The following DSCAM variants were observed in gnomAD, a reference collection of about 807,000 sequenced individuals.
DSCAM encodes the protein DS cell adhesion molecule.
In DSCAM, 47 loss-of-function variants were observed where a neutral mutation model predicts 217.7. The ratio of observed to expected loss-of-function variants is 0.22; its 90% confidence interval spans 0.17 to 0.28. The LOEUF is 0.28. Ranked by LOEUF, DSCAM falls within the 10% of genes least tolerant of loss-of-function variation. DSCAM has a pLI of 1.00. For synonymous variants in DSCAM, 1,056 were observed against 1,015.3 expected (o/e 1.04, Z -0.76); for missense variants, 2,080 against 2,618.3 (o/e 0.79, Z 4.49).
chr21:40,456,364 AG>A (rs2075763546), intron 3 of DSCAM, among the ~76,000 whole-genome samples: 3 of 152,070 alleles, frequency 2.0e-5, no homozygotes, highest in African/African-American at 7.2e-5. Context: ...TCACAGTAAC[AG>A]TCTACTTATG....
At chr21:40,827,158 G>A (rs1034882358) in intron 1 of DSCAM, among the ~76,000 whole-genome samples, 17 of 152,096 alleles carry the variant, frequency 1.1e-4, no homozygotes, top group African/African-American at 3.1e-4. Context: ...AGGTGTGCAC[G>A]GTCCAGGTGA....
intron 3 of DSCAM, chr21:40,619,012 C>T (rs554468245): frequency 6.6e-6 from 1 of 152,202 alleles, no homozygotes; most frequent in East Asian, 1.9e-4. Flanking sequence ...TAGGCTGAAG[C>T]AAGCAGTATG....
At chr21:40,549,743 C>T (rs941295177) in intron 3 of DSCAM, among the ~76,000 whole-genome samples, 4 of 152,222 alleles carry the variant, frequency 2.6e-5, no homozygotes, top group East Asian at 3.9e-4. Flanking sequence ...GTTATATTGA[C>T]GTTTGGAAAC....
intron 11 of DSCAM, among the ~76,000 whole-genome samples, chr21:40,269,155 C>A (rs1479928122): frequency 1.3e-5 from 2 of 152,170 alleles, no homozygotes; most frequent in Admixed American, 1.3e-4. Context: ...GCTGCAAATG[C>A]AAAAACCCTG....
chr21:40,659,091 C>T (rs2090108079), intron 3 of DSCAM, among the ~76,000 whole-genome samples: 1 of 152,060 alleles, frequency 6.6e-6, no homozygotes, highest in Non-Finnish European at 1.5e-5. Context: ...AGACGGACAA[C>T]CATCAGTAAC....
intron 11 of DSCAM, among the ~76,000 whole-genome samples, chr21:40,248,706 G>A (rs1348382263): frequency 6.6e-6 from 1 of 152,146 alleles, no homozygotes; most frequent in African/African-American, 2.4e-5. Context: ...CGGTTACCCA[G>A]TTCCAAAGTT....
At chr21:40,283,518 C>T (rs752036937) in intron 10 of DSCAM, among the ~76,000 whole-genome samples, 2 of 152,138 alleles carry the variant, frequency 1.3e-5, no homozygotes, top group African/African-American at 2.4e-5. Flanking sequence ...GGAAAAAGAA[C>T]GGCAGATTGT....
At chr21:40,415,839 TC>T (rs1290206524) in intron 3 of DSCAM, among the ~76,000 whole-genome samples, 2 of 151,812 alleles carry the variant, frequency 1.3e-5, no homozygotes, top group African/African-American at 4.8e-5. Context: ...ATACACACCT[TC>T]CCCCAACTCT....
At chr21:40,273,117 T>C (rs2073641368) in intron 11 of DSCAM, among the ~76,000 whole-genome samples, 1 of 152,188 alleles carries the variant, frequency 6.6e-6, no homozygotes, top group Non-Finnish European at 1.5e-5. Flanking sequence ...CTATGCACTG[T>C]GCCATCAATA....
intron 3 of DSCAM, among the ~76,000 whole-genome samples, chr21:40,395,058 T>C (rs568964613): frequency 6.6e-6 from 1 of 152,184 alleles, no homozygotes; most frequent in Non-Finnish European, 1.5e-5. Flanking sequence ...CTGTGTTCAG[T>C]CAGTGTAATT....
chr21:40,083,637 G>C (rs555353759), intron 24 of DSCAM, among the ~76,000 whole-genome samples: 1 of 152,294 alleles, frequency 6.6e-6, no homozygotes, highest in South Asian at 2.1e-4. Flanking sequence ...TCTCAAAAAA[G>C]AGATATCCAA....
chr21:40,053,643 T>G (rs1416055850), intron 29 of DSCAM, among the ~76,000 whole-genome samples: 1 of 152,168 alleles, frequency 6.6e-6, no homozygotes, highest in Non-Finnish European at 1.5e-5. Flanking sequence ...AGCACCACAG[T>G]TCCACTTCCC....
At chr21:40,500,241 T>C (rs139450834) in intron 3 of DSCAM, among the ~76,000 whole-genome samples, 1 of 152,348 alleles carries the variant, frequency 6.6e-6, no homozygotes, top group African/African-American at 2.4e-5. Flanking sequence ...TTTTGTTTTT[T>C]AAGTTTTCTG....
chr21:40,356,141 T>G (rs891985775), intron 4 of DSCAM, among the ~76,000 whole-genome samples: 3 of 152,200 alleles, frequency 2.0e-5, no homozygotes, highest in Non-Finnish European at 2.9e-5. Flanking sequence ...TTTGGATATA[T>G]ACCCAGAGTG....
At chr21:40,233,123 C>T (rs181101400) in intron 11 of DSCAM, among the ~76,000 whole-genome samples, 38 of 152,152 alleles carry the variant, frequency 2.5e-4, no homozygotes, top group African/African-American at 8.2e-4. Flanking sequence ...ACCAAACCCC[C>T]GTGACGACAG....
At chr21:40,332,501 T>C (rs1051733337) in intron 8 of DSCAM, among the ~76,000 whole-genome samples, 2 of 152,204 alleles carry the variant, frequency 1.3e-5, no homozygotes, top group Non-Finnish European at 2.9e-5. Context: ...AAATAAAAGG[T>C]GACATTTTTA....
chr21:40,747,739 C>T (rs1202657068), intron 1 of DSCAM, among the ~76,000 whole-genome samples: 1 of 146,182 alleles, frequency 6.8e-6, no homozygotes, highest in Non-Finnish European at 1.5e-5. Flanking sequence ...TTACCCTGAT[C>T]CAAAAATCAG....
chr21:40,666,766 G>A (rs2090206283), intron 3 of DSCAM, among the ~76,000 whole-genome samples: 1 of 152,164 alleles, frequency 6.6e-6, no homozygotes, highest in Non-Finnish European at 1.5e-5. Context: ...AGACAACAAT[G>A]ACATAAAAAT....
At chr21:40,631,074 T>A (rs1405862235) in intron 3 of DSCAM, among the ~76,000 whole-genome samples, 2 of 152,194 alleles carry the variant, frequency 1.3e-5, no homozygotes, top group African/African-American at 4.8e-5. Flanking sequence ...AAGGACACCA[T>A]GTTATGTAGC....
Sources: allele counts gnomAD v4.1 joint callset (sites outside exome capture counted in the v4.1 genomes callset), GRCh38; gene constraint gnomAD v4.1.1; transcripts MANE v1.5; gene names NCBI Gene and HGNC (gene_info 2026-07-23, HGNC 2026-07-21).